The following CNTNAP3 variants were observed in gnomAD, a reference collection of about 807,000 sequenced individuals.
CNTNAP3 encodes contactin-associated protein-like 3.
Under a neutral mutation model 92.1 loss-of-function variants are expected in CNTNAP3, and 36 were observed. The observed-to-expected ratio is 0.39, with a 90% CI of 0.30 to 0.52. CNTNAP3 has a LOEUF of 0.52. Ranked by LOEUF, CNTNAP3 falls within the 20% of genes least tolerant of loss-of-function variation. The probability of loss-of-function intolerance (pLI) is 0.76; values close to 1 mark genes in which losing one functional copy is unlikely to be tolerated. For missense variants in CNTNAP3, 534 were observed against 1,069.6 expected (o/e 0.50, Z 6.98); for synonymous variants, 232 against 422.3 (o/e 0.55, Z 5.53).
At chr9:39,127,987 C>T (rs2315712) in intron 13 of CNTNAP3, among the ~76,000 whole-genome samples, 3 of 152,112 alleles carry the variant, frequency 2.0e-5, no homozygotes, top group East Asian at 3.9e-4. Flanking sequence ...TATAGGTGTG[C>T]GCCACCACGC....
intron 12 of CNTNAP3, among the ~76,000 whole-genome samples, chr9:39,136,842 G>A (rs1213396385): frequency 2.0e-5 from 3 of 152,138 alleles, no homozygotes; most frequent in African/African-American, 7.2e-5. Context: ...CGGAGTTGTG[G>A]TGAGCCAAGA....
At chr9:39,107,398 GAGGA>G (rs1183229784) in intron 15 of CNTNAP3, among the ~76,000 whole-genome samples, 2 of 142,004 alleles carry the variant, frequency 1.4e-5, no homozygotes, top group South Asian at 2.5e-4. Flanking sequence ...GGGAGGGAGG[GAGGA>G]AGGAAGGAAG....
chr9:39,075,671 C>A (rs1455864140), intron 23 of CNTNAP3, among the ~76,000 whole-genome samples: 1 of 152,228 alleles, frequency 6.6e-6, no homozygotes, highest in Admixed American at 6.5e-5. Flanking sequence ...CCACTAGTTT[C>A]TTCCCATATA....
intron 17 of CNTNAP3, among the ~76,000 whole-genome samples, chr9:39,101,195 A>G (rs529199137): frequency 0.021 from 3,097 of 149,436 alleles, 50 homozygotes; most frequent in Non-Finnish European, 0.033. Context: ...CCTTAATAGA[A>G]GAGCTAACCA....
intron 18 of CNTNAP3, among the ~76,000 whole-genome samples, chr9:39,093,758 C>A (rs528337640): frequency 6.6e-6 from 1 of 151,594 alleles, no homozygotes; most frequent in East Asian, 1.9e-4. Context: ...ATTTTTTAAT[C>A]AATTCATGTG....
chr9:39,101,252 C>T (rs916591710), intron 17 of CNTNAP3, among the ~76,000 whole-genome samples: 9 of 151,240 alleles, frequency 6.0e-5, no homozygotes, highest in Admixed American at 2.6e-4. Flanking sequence ...ACCCCATCCA[C>T]ATCCACATAC....
At chr9:39,146,752 CTG>C (rs147747497) in intron 10 of CNTNAP3, among the ~76,000 whole-genome samples, 6,250 of 152,248 alleles carry the variant, frequency 0.041, 159 homozygotes, top group Non-Finnish European at 0.06. Context: ...ATTTGTGACT[CTG>C]TCATCCAAAG....
chr9:39,107,624 G>A (rs1170140099), intron 15 of CNTNAP3, among the ~76,000 whole-genome samples: 2 of 152,118 alleles, frequency 1.3e-5, no homozygotes, highest in South Asian at 2.1e-4. Context: ...GGAAATATCT[G>A]GAAATGGAGA....
intron 15 of CNTNAP3, among the ~76,000 whole-genome samples, chr9:39,107,191 G>A (rs2990115): frequency 5.2e-4 from 78 of 150,710 alleles, no homozygotes; most frequent in Middle Eastern, 6.8e-3. Context: ...TTCAAAAAGC[G>A]CTGAAACAGT....
At chr9:39,127,687 A>G (rs1444634612) in intron 13 of CNTNAP3, among the ~76,000 whole-genome samples, 1 of 152,224 alleles carries the variant, frequency 6.6e-6, no homozygotes, top group Non-Finnish European at 1.5e-5. Context: ...AATTTCTCAA[A>G]AAGTACAAAC....
chr9:39,148,819 C>T (rs371903463), intron 10 of CNTNAP3, among the ~76,000 whole-genome samples: 1 of 152,156 alleles, frequency 6.6e-6, no homozygotes, highest in Admixed American at 6.5e-5. Context: ...GCCACGGCGC[C>T]GGGCCAGATT....
chr9:39,147,244 G>T (rs931842978), intron 10 of CNTNAP3, among the ~76,000 whole-genome samples: 1 of 150,472 alleles, frequency 6.6e-6, no homozygotes, highest in African/African-American at 2.4e-5. Flanking sequence ...AGCAGCATGA[G>T]AACAGACTAA....
intron 15 of CNTNAP3, chr9:39,106,528 C>T (rs1826610087): frequency 6.6e-6 from 1 of 152,160 alleles, no homozygotes; most frequent in Admixed American, 6.5e-5. Flanking sequence ...TCAAGCCATC[C>T]TCCCATCTCA....
At chr9:39,136,811 G>A (rs1436986951) in intron 12 of CNTNAP3, among the ~76,000 whole-genome samples, 1 of 152,098 alleles carries the variant, frequency 6.6e-6, no homozygotes, top group South Asian at 2.1e-4. Flanking sequence ...TGAGGCAGGA[G>A]AATCACCTGA....
At chr9:39,128,028 G>A (rs1481210205) in intron 13 of CNTNAP3, among the ~76,000 whole-genome samples, 16 of 151,986 alleles carry the variant, frequency 1.1e-4, no homozygotes, top group African/African-American at 1.9e-4. Context: ...TAGTGGAGAC[G>A]GGGTTTCACC....
In CNTNAP3 at chr9:39,069,784, G is replaced by T. The variant is rs1825599700; in HGVS notation, c.*4106C>A. Among the ~76,000 whole-genome samples the T allele has an allele frequency of 6.6e-6, 1 of 152,308 alleles. No individual in the cohort carries two copies. ...GCTGTTCTGACAACACATCAGCAAT[G>T]AACTTAGCCTGAGCTACATCCATTG... On this transcript the variant is annotated 3_prime_UTR_variant, in exon 24 of 24. Coordinates refer to ENST00000297668, the MANE Select transcript of CNTNAP3 (RefSeq NM_033655.5).
At chr9:39,112,060 A>G (rs1487316396) in intron 14 of CNTNAP3, among the ~76,000 whole-genome samples, 1 of 150,560 alleles carries the variant, frequency 6.6e-6, no homozygotes, top group Non-Finnish European at 1.5e-5. Context: ...TTATTTTCTA[A>G]AGCTTATACT....
In CNTNAP3 at chr9:39,072,358, G is replaced by C. The variant is rs1465104212; in HGVS notation, c.*1532C>G. 3.4e-5 allele frequency among the ~76,000 whole-genome samples: 5 copies of C among 148,296 alleles called. No homozygotes were observed. Among genetic ancestry groups the C allele is most frequent in the Non-Finnish European group, 4.4e-5 (3 of 67,448 alleles). ...CTCATTAGTCCTTGGTAGGCAGTTG[G>C]TATCTGGAATATGAAGAGTGTAGCA... is the stretch of plus-strand genomic sequence containing the variant. On this transcript the variant is annotated 3_prime_UTR_variant, in exon 24 of 24. Coordinates refer to ENST00000297668, the MANE Select transcript of CNTNAP3 (RefSeq NM_033655.5).
At position 39,103,894 on chromosome 9, in the gene CNTNAP3, A is replaced by C; in HGVS notation, c.2386T>G (p.Ser796Ala). The C allele has an allele frequency of 1.2e-6, 2 of 1,608,962 alleles. No homozygotes were observed. Among genetic ancestry groups the C allele is most frequent in the Non-Finnish European group, 1.7e-6 (2 of 1,178,660 alleles). ...AGGTATGAAGTCTCAGTGTTGAAGG[A>C]AGCTGAATTCCAGAATGACTCTGTT... ...RGDQSFWNSASFNTETSYLHF... is the reference protein window; with the variant it reads ...RGDQSFWNSAAFNTETSYLHF... Residue 796 changes from serine (S) to alanine (A), a missense_variant, in exon 16 of 24, where the codon TCC becomes GCC. Physicochemically the swap from Ser to Ala is moderately conservative, Grantham distance 99. Coordinates refer to ENST00000297668, the MANE Select transcript of CNTNAP3 (RefSeq NM_033655.5).
Sources: allele counts gnomAD v4.1 joint callset (sites outside exome capture counted in the v4.1 genomes callset), GRCh38; gene constraint gnomAD v4.1.1; transcripts MANE v1.5; gene names NCBI Gene and HGNC (gene_info 2026-07-23, HGNC 2026-07-21).